PLP1: variants seen among roughly 807,000 people sequenced by gnomAD.
PLP1 encodes myelin proteolipid protein.
Under a neutral mutation model 18.5 loss-of-function variants are expected in PLP1, and 2 were observed. The ratio of observed to expected loss-of-function variants is 0.11; its 90% CI spans 0.04 to 0.34. PLP1 has a LOEUF of 0.34. Among genes scored for constraint, PLP1 ranks in the 10% least tolerant of loss-of-function variants. PLP1 has a pLI of 1.00. For synonymous variants in PLP1, 86 were observed against 83.2 expected (o/e 1.03, Z -0.19); for missense variants, 105 against 207.3 (o/e 0.51, Z 3.03).
At chrX:103,783,554 G>T (rs985082897) in intron 1 of PLP1, among the ~76,000 whole-genome samples, 5 of 112,228 alleles carry the variant, frequency 4.5e-5, no homozygotes, top group African/African-American at 1.6e-4. Context: ...TTGTGTCTCT[G>T]AGAACAGAGG....
chrX:103,787,014 C>T, intron 3 of PLP1: 1 of 363,368 alleles, frequency 2.8e-6, no homozygotes, highest in Admixed American at 4.4e-5. Context: ...GTTGGTATCC[C>T]TTTGTTCCCT....
intron 1 of PLP1, chrX:103,779,918 C>T (rs917300207): frequency 2.7e-5 from 3 of 112,542 alleles, no homozygotes; most frequent in Admixed American, 9.4e-5. Context: ...GCCTTCCCTG[C>T]CCACAGCACT....
rs750073011 is a variant in PLP1, at chrX:103,785,611, G to C, written c.34G>C (p.Val12Leu). The change falls in exon 2 of 7, where the codon GTA (valine) becomes CTA (leucine). Residue 12 changes from valine to leucine, a missense_variant. Coordinates refer to ENST00000621218, the MANE Select transcript of PLP1 (RefSeq NM_000533.5). The part of the protein sequence containing the change: ...GLLECCARCL[V>L]GAPFASLVAT... ...GTTAGAGTGCTGTGCAAGATGTCTG[G>C]TAGGGGCCCCCTTTGCTTCCCTGGT... The C allele has an allele frequency of 1.7e-6, 2 of 1,210,789 alleles. No homozygotes were observed. The highest frequency in any genetic ancestry group is 2.2e-5 in the Admixed American group (1 of 46,017).
rs2074513816 is a variant in PLP1, at chrX:103,788,089, G to A, written c.622+123G>A. ...AAAATATAAGATGATGAATGATTGG[G>A]TCTTAGTTTATTAATCCTTCCCTAC... On this transcript the variant is annotated intron_variant, in intron 4 of 6. Coordinates refer to ENST00000621218, the MANE Select transcript of PLP1 (RefSeq NM_000533.5). 5 of 591,853 alleles carry A rather than the reference G, an allele frequency of 8.4e-6. No individual in the cohort carries two copies. The South Asian group carries it at 9.6e-5, about 11-fold the overall frequency. 48.8% of individuals were successfully genotyped at this position (591,853 alleles called of 1,213,427 possible). A position where few individuals can be genotyped will look rare whatever the true frequency, so the allele number is the denominator to read the frequency against.
chrX:103,786,320 G>T, intron 2 of PLP1, 145 bp from the exon 3 acceptor site: 2 of 1,059,634 alleles, frequency 1.9e-6, no homozygotes, highest in Non-Finnish European at 2.6e-6. Context: ...GTGAAAGCAT[G>T]CAGGAGGAAC....
rs923849790 is a variant in PLP1 at position 103,789,507 on chromosome X, G to T, written c.762+109G>T. ...CTGCTTCCATCCTTGAAATGCTGGA[G>T]GGAAGCTTCTGGGAAGATAGCAAAG... On this transcript the variant is annotated intron_variant, in intron 6 of 6. Transcript: ENST00000621218. 4.2e-5 allele frequency: 27 copies of T among 642,888 alleles called. No homozygotes were observed. In the Admixed American group the frequency reaches 5.9e-4, roughly 14 times the overall value. 53.0% of individuals were successfully genotyped at this position (642,888 alleles called of 1,213,427 possible). A position where few individuals can be genotyped will look rare whatever the true frequency, so the allele number is the denominator to read the frequency against.
At chrX:103,784,640 C>A (rs2074479862) in intron 1 of PLP1, among the ~76,000 whole-genome samples, 1 of 112,066 alleles carries the variant, frequency 8.9e-6, no homozygotes, top group African/African-American at 3.2e-5. Flanking sequence ...TTTCCTCCAC[C>A]TGGAATGCTC....
intron 4 of PLP1, among the ~76,000 whole-genome samples, 179 bp from the exon 5 acceptor site, chrX:103,788,258 C>T (rs2074515438): frequency 8.9e-6 from 1 of 111,974 alleles, no homozygotes. Flanking sequence ...GGTTTCACCA[C>T]TGTTCAATAC....
chrX:103,777,978 A>G (rs1425616980), intron 1 of PLP1, among the ~76,000 whole-genome samples: 1 of 112,555 alleles, frequency 8.9e-6, no homozygotes, highest in African/African-American at 3.2e-5. Context: ...ATCAATTTGC[A>G]ATTATACTGA....
Position 103,789,395 on chromosome X carries a change from C to T in PLP1, c.759C>T (p.Ser253=). The part of the protein sequence containing the change: ...AFVGAAATLV[S]LLTFMIAATY... ...TGGGGGCTGCAGCTACACTGGTTTC[C>T]CTGGTGAGTTGACTTTGAATGATCT... Residue 253 remains serine (S), a synonymous_variant, in exon 6 of 7, where the codon TCC becomes TCT. Transcript: ENST00000621218. The T allele has an allele frequency of 1.7e-6, 2 of 1,198,081 alleles. No homozygotes were observed. Among genetic ancestry groups the T allele is most frequent in the Non-Finnish European group, 2.3e-6 (2 of 882,945 alleles).
rs758841186 is a variant in PLP1, at chrX:103,781,426, A to G, written c.5-4156A>G. Reference sequence around the variant, plus strand: ...GATTAGACTTGTTTTGGGAGTTTGTATACAAATGTAGCCAACCATGACATG... The same window carrying G: ...GATTAGACTTGTTTTGGGAGTTTGTGTACAAATGTAGCCAACCATGACATG... On this transcript the variant is annotated intron_variant, in intron 1 of 6. Coordinates refer to ENST00000621218, the MANE Select transcript of PLP1 (RefSeq NM_000533.5). The G allele has an allele frequency of 6.8e-5, 16 of 233,986 alleles. No homozygotes were observed. In the South Asian group the frequency reaches 7.1e-4, roughly 10 times the overall value. The allele number at this position is 233,986 out of a possible 1,213,427, so 19.3% of individuals were successfully genotyped here.
intron 1 of PLP1, among the ~76,000 whole-genome samples, chrX:103,783,960 C>T (rs1419810915): frequency 8.9e-6 from 1 of 111,837 alleles, no homozygotes; most frequent in African/African-American, 3.2e-5. Context: ...TATATATATA[C>T]ATACATATGA....
At position 103,776,851 on chromosome X, in the gene PLP1, A is replaced by G. The variant is rs771517064; in HGVS notation, c.-145A>G. On this transcript the variant is annotated 5_prime_UTR_variant, in exon 1 of 7. Transcript: ENST00000621218. ...TCAATCAGAAAGCCCTTTTCATTGC[A>G]GGAGAAGAGGACAAAGATACTCAGA... is the stretch of plus-strand genomic sequence containing the variant. 92 of 584,227 alleles carry G rather than the reference A, an allele frequency of 1.6e-4. No individual in the cohort carries two copies. In the African/African-American group the frequency reaches 2.0e-3, roughly 12 times the overall value. The allele number at this position is 584,227 out of a possible 1,213,427, so 48.1% of individuals were successfully genotyped here.
chrX:103,791,018 A>G lies in PLP1; in HGVS notation c.*420A>G. ...AATGTCTTTGGTCCTCTTGCCATCTATAGGGGCCAAATATATTCTCTTTGG... is the reference window on the plus strand; with the variant it reads ...AATGTCTTTGGTCCTCTTGCCATCTGTAGGGGCCAAATATATTCTCTTTGG... On this transcript the variant is annotated 3_prime_UTR_variant, in exon 7 of 7. Coordinates refer to ENST00000621218, the MANE Select transcript of PLP1 (RefSeq NM_000533.5). 1.6e-5 allele frequency: 3 copies of G among 187,972 alleles called. No homozygotes were observed. The South Asian group carries it at 3.3e-4, about 21-fold the overall frequency. The allele number at this position is 187,972 out of a possible 1,213,427, so 15.5% of individuals were successfully genotyped here. A position where few individuals can be genotyped will look rare whatever the true frequency, so the allele number is the denominator to read the frequency against.
At position 103,787,897 on chromosome X, in the gene PLP1, C is replaced by A. The variant is rs1467533825; in HGVS notation, c.553C>A (p.Gln185Lys). ...YIYFNTWTTC[Q>K]SIAFPSKTSA... ...TTACTTCAACACCTGGACCACCTGC[C>A]AGTCTATTGCCTTCCCCAGCAAGAC... The change falls in exon 4 of 7, where the codon CAG becomes AAG. Residue 185 changes from glutamine to lysine, a missense_variant. Gln to Lys is a moderately conservative substitution (Grantham distance 53). Transcript: ENST00000621218. The A allele has an allele frequency of 8.3e-7, 1 of 1,206,871 alleles. No homozygotes were observed.
At chrX:103,778,794 C>G (rs994705953) in intron 1 of PLP1, among the ~76,000 whole-genome samples, 2 of 112,055 alleles carry the variant, frequency 1.8e-5, no homozygotes, top group Admixed American at 1.9e-4. Context: ...TATAGATCAT[C>G]TCTAACAAGG....
intron 1 of PLP1, among the ~76,000 whole-genome samples, chrX:103,783,919 T>C (rs1242418046): frequency 9.9e-6 from 1 of 101,191 alleles, no homozygotes; most frequent in Admixed American, 1.0e-4. Context: ...TTTATAGATA[T>C]ATAAAATCAG....
intron 1 of PLP1, 133 bp downstream of exon 1, chrX:103,777,132 C>A: frequency 1.8e-6 from 1 of 566,250 alleles, no homozygotes; most frequent in South Asian, 2.5e-5. Context: ...TTTTTAAATT[C>A]CTTAACATTC....
Position 103,792,529 on chromosome X carries a change from C to T in PLP1, c.*1931C>T, listed in dbSNP as rs1436032689. On this transcript the variant is annotated 3_prime_UTR_variant, in exon 7 of 7. Coordinates refer to ENST00000621218, the MANE Select transcript of PLP1 (RefSeq NM_000533.5). Reference sequence around the variant, plus strand: ...TTCTGATATAGAATTGCAATTTTAACACACATAAAGGATAAACTTTTAGAA... The same window carrying T: ...TTCTGATATAGAATTGCAATTTTAATACACATAAAGGATAAACTTTTAGAA... The T allele has an allele frequency of 1.8e-5, 2 of 112,595 alleles. No individual in the cohort carries two copies. The highest frequency in any genetic ancestry group is 6.5e-5 in the African/African-American group (2 of 30,935). 9.3% of individuals were successfully genotyped at this position (112,595 alleles called of 1,213,427 possible). A position where few individuals can be genotyped will look rare whatever the true frequency, so the allele number is the denominator to read the frequency against.
Sources: gnomAD v4.1 joint callset for allele counts (sites outside exome capture counted in the v4.1 genomes callset) on GRCh38, gnomAD v4.1.1 for gene constraint, MANE v1.5 for transcripts, NCBI Gene and HGNC (gene_info 2026-07-23, HGNC 2026-07-21) for gene names.